CCDC57: variants seen among roughly 807,000 people sequenced by gnomAD.
CCDC57 encodes the protein coiled-coil domain-containing protein 57.
Under a neutral mutation model 118.9 loss-of-function variants are expected in CCDC57, and 118 were observed. That is an observed-to-expected ratio of 0.99 (90% CI 0.86 to 1.16). The LOEUF (loss-of-function observed/expected upper bound fraction) is 1.16, where lower values mean the gene tolerates loss of function less well. CCDC57 is among the 50% of genes most tolerant of loss of function. The probability of loss-of-function intolerance (pLI) is 0.00; values close to 1 mark genes in which losing one functional copy is unlikely to be tolerated. For missense variants in CCDC57, 1,300 were observed against 1,320.7 expected (o/e 0.98, Z 0.24); for synonymous variants, 527 against 532.9 (o/e 0.99, Z 0.15).
intron 16 of CCDC57, among the ~76,000 whole-genome samples, chr17:82,146,013 G>A (rs997553569): frequency 6.6e-5 from 10 of 152,236 alleles, no homozygotes; most frequent in Non-Finnish European, 1.5e-4. Context: ...GTGAAGTGGC[G>A]GTCAGCTTGC....
At chr17:82,156,275 T>C (rs1310773415) in intron 15 of CCDC57, 2 of 147,422 alleles carry the variant, frequency 1.4e-5, no homozygotes, top group African/African-American at 2.5e-5. Flanking sequence ...TGGGCGACAG[T>C]GTGAGACTCT....
intron 6 of CCDC57, 28 bp downstream of exon 5, chr17:82,193,954 C>T (rs556199705): frequency 1.8e-5 from 29 of 1,596,314 alleles, no homozygotes; most frequent in Middle Eastern, 1.7e-4. Flanking sequence ...CCACAGAGCA[C>T]GCCTCGGGAG....
At chr17:82,102,374 T>C (rs561061155) in intron 19 of CCDC57, among the ~76,000 whole-genome samples, 3 of 152,232 alleles carry the variant, frequency 2.0e-5, no homozygotes, top group Admixed American at 1.3e-4. Flanking sequence ...GGGCACCACG[T>C]GGCCAGGCAC....
intron 13 of CCDC57, among the ~76,000 whole-genome samples, chr17:82,170,664 G>A (rs1034895756): frequency 2.6e-5 from 4 of 151,904 alleles, no homozygotes; most frequent in African/African-American, 4.8e-5. Context: ...CCACCCTGCC[G>A]GCAACCTGAT....
exon 17 of CCDC57, chr17:82,134,120 C>A (rs1449783920): frequency 3.5e-6 from 5 of 1,415,334 alleles, no homozygotes; most frequent in Non-Finnish European, 4.6e-6. Context: ...GGGCTGCGAT[C>A]CAAAGGCCTC....
At chr17:82,179,356 G>A (rs1225999207) in intron 9 of CCDC57, among the ~76,000 whole-genome samples, 167 bp from the exon 9 acceptor site, 1 of 152,190 alleles carries the variant, frequency 6.6e-6, no homozygotes, top group Non-Finnish European at 1.5e-5. Context: ...ACACTGGGAC[G>A]CCCAATACAA....
chr17:82,122,925 T>C (rs1212707423), intron 19 of CCDC57, among the ~76,000 whole-genome samples: 1 of 152,178 alleles, frequency 6.6e-6, no homozygotes, highest in African/African-American at 2.4e-5. Context: ...TTGGATATGT[T>C]GTCCATCCCA....
At chr17:82,115,198 C>G (rs756009186) in intron 19 of CCDC57, among the ~76,000 whole-genome samples, 1 of 151,426 alleles carries the variant, frequency 6.6e-6, no homozygotes, top group African/African-American at 2.4e-5. Flanking sequence ...CCACTGGGGC[C>G]GAGCAGGGCA....
chr17:82,200,546 A>G (rs8074436), intron 3 of CCDC57, among the ~76,000 whole-genome samples: 71,053 of 151,904 alleles, frequency 0.47, 17,401 homozygotes, highest in East Asian at 0.88. Flanking sequence ...CACTTCAGGA[A>G]GCCAAGGCCA....
intron 2 of CCDC57, among the ~76,000 whole-genome samples, chr17:82,202,687 T>C (rs574776218): frequency 6.6e-6 from 1 of 151,860 alleles, no homozygotes; most frequent in African/African-American, 2.4e-5. Context: ...GAAGTGGAGG[T>C]TGCAGTGAGC....
intron 19 of CCDC57, chr17:82,112,121 G>C (rs1227089692): frequency 6.6e-6 from 1 of 151,402 alleles, no homozygotes; most frequent in Non-Finnish European, 1.5e-5. Flanking sequence ...TTACAGGCAT[G>C]CACCACCACA....
chr17:82,188,454 AG>A (rs2047251410), intron 7 of CCDC57, 35 bp from the exon 7 acceptor site: 1 of 1,584,924 alleles, frequency 6.3e-7, no homozygotes, highest in African/African-American at 1.3e-5. Flanking sequence ...GCGCTCACCC[AG>A]CCCCCAACAC....
At chr17:82,113,262 G>A in intron 19 of CCDC57, 2 of 636,096 alleles carry the variant, frequency 3.1e-6, no homozygotes, top group South Asian at 1.9e-5. Context: ...GGGCACCCCA[G>A]TGCTCCCTTC....
At chr17:82,117,208 C>T (rs925078573) in intron 19 of CCDC57, among the ~76,000 whole-genome samples, 1 of 150,348 alleles carries the variant, frequency 6.7e-6, no homozygotes, top group East Asian at 2.0e-4. Context: ...AAAAAATTAG[C>T]GAGGCATGGT....
chr17:82,208,261 C>T (rs1568507487), intron 1 of CCDC57, among the ~76,000 whole-genome samples: 1 of 151,718 alleles, frequency 6.6e-6, no homozygotes, highest in Non-Finnish European at 1.5e-5. Flanking sequence ...ATACCCTTAA[C>T]TTATTATTAT....
chr17:82,151,698 C>T, exon 16 of CCDC57: 1 of 1,550,388 alleles, frequency 6.4e-7, no homozygotes, highest in Non-Finnish European at 8.7e-7. Context: ...GTCTGGGGGG[C>T]ACGTGCCACT....
intron 19 of CCDC57, among the ~76,000 whole-genome samples, chr17:82,113,988 G>A (rs1177912246): frequency 6.6e-6 from 1 of 152,120 alleles, no homozygotes; most frequent in African/African-American, 2.4e-5. Flanking sequence ...CCTGCAGCTT[G>A]GTCTTGCAGC....
At chr17:82,201,878 C>T in exon 3 of CCDC57, 1 of 1,612,266 alleles carries the variant, frequency 6.2e-7, no homozygotes, top group Non-Finnish European at 8.5e-7. Context: ...GCCTGCAGCG[C>T]CCTCCACTCC....
At chr17:82,199,005 A>G (rs896534052) in intron 3 of CCDC57, among the ~76,000 whole-genome samples, 25 of 123,016 alleles carry the variant, frequency 2.0e-4, no homozygotes, top group South Asian at 1.7e-3. Flanking sequence ...AAAAAAAAAA[A>G]AAAAGAAAAA....
Sources: gnomAD v4.1 joint callset for allele counts (sites outside exome capture counted in the v4.1 genomes callset) on GRCh38, gnomAD v4.1.1 for gene constraint, MANE v1.5 for transcripts, NCBI Gene and HGNC (gene_info 2026-07-23, HGNC 2026-07-21) for gene names.